The following LRRC4C variants were observed in gnomAD, a reference collection of about 807,000 sequenced individuals.
LRRC4C encodes the protein leucine rich repeat containing 4C, also known as leucine-rich repeat-containing protein 4C.
LRRC4C carries 5 observed loss-of-function variants against 33.6 expected under a neutral mutation model. The ratio of observed to expected loss-of-function variants is 0.15; its 90% CI spans 0.08 to 0.31. LRRC4C has a LOEUF of 0.31. Ranked by LOEUF, LRRC4C falls within the 10% of genes least tolerant of loss-of-function variation. The pLI is 1.00. For missense variants in LRRC4C, 560 were observed against 796.7 expected, an observed-to-expected ratio of 0.70 and a Z score of 3.58; for synonymous variants, 329 against 302.0, an observed-to-expected ratio of 1.09 and a Z score of -0.93.
intron 1 of LRRC4C, among the ~76,000 whole-genome samples, chr11:41,062,434 G>T (rs1937853725): frequency 6.6e-6 from 1 of 152,146 alleles, no homozygotes; most frequent in Non-Finnish European, 1.5e-5. Context: ...ACCTTCTCTT[G>T]ATAAAACAAC....
intron 2 of LRRC4C, among the ~76,000 whole-genome samples, chr11:40,666,931 A>G (rs1353753690): frequency 6.6e-6 from 1 of 152,184 alleles, no homozygotes; most frequent in Non-Finnish European, 1.5e-5. Flanking sequence ...AAGTAGCTAT[A>G]AAATGCTAGG....
intron 2 of LRRC4C, among the ~76,000 whole-genome samples, chr11:40,748,157 G>A (rs562699071): frequency 6.6e-5 from 10 of 152,068 alleles, no homozygotes; most frequent in Non-Finnish European, 1.2e-4. Context: ...AAAACCACAA[G>A]AGAAATGACC....
At chr11:40,719,260 C>T (rs1345082847) in intron 2 of LRRC4C, among the ~76,000 whole-genome samples, 1 of 152,198 alleles carries the variant, frequency 6.6e-6, no homozygotes, top group Non-Finnish European at 1.5e-5. Flanking sequence ...CAATTGGCAA[C>T]ATTTTGCCAT....
In LRRC4C at chr11:41,047,992, T is replaced by G. The variant is rs530449436; in HGVS notation, c.-495-114269A>C. 3.2e-4 allele frequency among the ~76,000 whole-genome samples: 49 copies of G among 152,276 alleles called. No individual in the cohort carries two copies. The South Asian group carries it at 9.1e-3, about 28-fold the overall frequency. ...TCCCAAAGCATTTTATCAATAGAGC[T>G]CTTAAACCACATTTTGCTCTGAACT... is the stretch of plus-strand genomic sequence containing the variant. On this transcript the variant is annotated intron_variant, in intron 1 of 6. Coordinates refer to ENST00000528697, the MANE Select transcript of LRRC4C (RefSeq NM_001258419.2).
At chr11:40,881,983 A>G (rs1955200850) in intron 2 of LRRC4C, among the ~76,000 whole-genome samples, 1 of 152,178 alleles carries the variant, frequency 6.6e-6, no homozygotes, top group Admixed American at 6.6e-5. Context: ...AGAAGTCAGC[A>G]GGTTTTTTTT....
At chr11:41,146,911 T>C (rs1943751619) in intron 1 of LRRC4C, among the ~76,000 whole-genome samples, 2 of 152,302 alleles carry the variant, frequency 1.3e-5, no homozygotes, top group South Asian at 4.1e-4. Flanking sequence ...CTTAAACACA[T>C]GAAAAATTCT....
At chr11:40,267,189 C>T (rs568300712) in intron 4 of LRRC4C, among the ~76,000 whole-genome samples, 44 of 152,204 alleles carry the variant, frequency 2.9e-4, no homozygotes, top group African/African-American at 9.4e-4. Flanking sequence ...ACTTCATTTA[C>T]ATCCTCAATG....
chr11:40,583,998 T>C (rs896296348), intron 3 of LRRC4C, among the ~76,000 whole-genome samples: 1 of 151,460 alleles, frequency 6.6e-6, no homozygotes, highest in African/African-American at 2.4e-5. Flanking sequence ...CTAAAGTCTT[T>C]CCAGCTTCCT....
intron 5 of LRRC4C, among the ~76,000 whole-genome samples, chr11:40,206,341 T>C (rs950456712): frequency 1.3e-5 from 2 of 152,072 alleles, no homozygotes; most frequent in Non-Finnish European, 2.9e-5. Flanking sequence ...GTTCCGGCAA[T>C]TCTCCTGCCT....
chr11:40,463,251 G>A (rs1455201211), intron 3 of LRRC4C, among the ~76,000 whole-genome samples: 1 of 151,398 alleles, frequency 6.6e-6, no homozygotes, highest in African/African-American at 2.4e-5. Flanking sequence ...AAGTATAGAA[G>A]TATAGAGGCA....
intron 1 of LRRC4C, among the ~76,000 whole-genome samples, chr11:41,334,791 C>T (rs940459271): frequency 1.3e-5 from 2 of 152,068 alleles, no homozygotes; most frequent in South Asian, 2.1e-4. Context: ...TTTGAAGGTG[C>T]AGTGAGCTAT....
intron 2 of LRRC4C, among the ~76,000 whole-genome samples, chr11:40,717,220 C>A (rs1410390502): frequency 6.6e-6 from 1 of 151,122 alleles, no homozygotes; most frequent in Non-Finnish European, 1.5e-5. Context: ...ATGAACAGGA[C>A]CTTGCATTTT....
chr11:40,509,521 C>T (rs1167957157), intron 3 of LRRC4C, among the ~76,000 whole-genome samples: 2 of 149,922 alleles, frequency 1.3e-5, no homozygotes, highest in African/African-American at 2.4e-5. Context: ...TTTTTTTTTG[C>T]GAAATGACCA....
At chr11:41,317,894 T>C (rs1203002284) in intron 1 of LRRC4C, among the ~76,000 whole-genome samples, 1 of 151,948 alleles carries the variant, frequency 6.6e-6, no homozygotes, top group Non-Finnish European at 1.5e-5. Context: ...AAACAAATAA[T>C]TAAATATGTA....
intron 2 of LRRC4C, among the ~76,000 whole-genome samples, chr11:40,832,739 T>G (rs1952476761): frequency 6.6e-6 from 1 of 152,150 alleles, no homozygotes; most frequent in Admixed American, 6.6e-5. Context: ...TTTACAAAAA[T>G]TTTGGAACTA....
chr11:41,201,128 T>G (rs555582011), intron 1 of LRRC4C, among the ~76,000 whole-genome samples: 22 of 152,248 alleles, frequency 1.4e-4, no homozygotes, highest in South Asian at 8.3e-4. Flanking sequence ...TTGTCACACC[T>G]CCCCTATTTC....
At chr11:41,214,575 C>CAAAAAAAAAAAAAAAAAAAAAAAA in intron 1 of LRRC4C, among the ~76,000 whole-genome samples, 1 of 34,758 alleles carries the variant, frequency 2.9e-5, no homozygotes, top group African/African-American at 1.2e-4. Context: ...ACTAAAAATA[C>CAAAAAAAAAAAAAAAAAAAAAAAA]AAAAAAAAAA....
At chr11:41,133,476 T>TCCCC (rs199931314) in intron 1 of LRRC4C, among the ~76,000 whole-genome samples, 9 of 141,914 alleles carry the variant, frequency 6.3e-5, no homozygotes, top group African/African-American at 1.4e-4. Flanking sequence ...AAAATCCTAA[T>TCCCC]CCCCCCCCCG....
At chr11:40,558,657 G>C (rs575325567) in intron 3 of LRRC4C, among the ~76,000 whole-genome samples, 1 of 152,198 alleles carries the variant, frequency 6.6e-6, no homozygotes, top group African/African-American at 2.4e-5. Flanking sequence ...GTGCTGTTTA[G>C]CAAAGATCTT....
Sources: allele counts gnomAD v4.1 joint callset (sites outside exome capture counted in the v4.1 genomes callset), GRCh38; gene constraint gnomAD v4.1.1; transcripts MANE v1.5; gene names NCBI Gene and HGNC (gene_info 2026-07-23, HGNC 2026-07-21).